TBX15: variants seen among roughly 807,000 people sequenced by gnomAD.
The protein encoded by TBX15 is T-box transcription factor TBX15.
A neutral mutation model predicts 53.9 loss-of-function variants in TBX15; 18 were observed. The ratio of observed to expected loss-of-function variants is 0.33; its 90% CI spans 0.23 to 0.49. The LOEUF (loss-of-function observed/expected upper bound fraction) is 0.49. Among genes scored for constraint, TBX15 ranks in the 20% least tolerant of loss-of-function variants. The pLI is 0.98. For synonymous variants in TBX15, 295 were observed against 278.0 expected (o/e 1.06, Z -0.61); for missense variants, 692 against 749.5 (o/e 0.92, Z 0.90).
At chr1:118,939,262 C>A (rs182647281) in intron 1 of TBX15, among the ~76,000 whole-genome samples, 3 of 151,572 alleles carry the variant, frequency 2.0e-5, no homozygotes, top group Non-Finnish European at 4.4e-5. Flanking sequence ...CAAAAATTAG[C>A]CAGGCATGAT....
intron 1 of TBX15, among the ~76,000 whole-genome samples, chr1:118,984,026 C>T (rs73011327): frequency 0.012 from 1,829 of 152,342 alleles, 39 homozygotes; most frequent in African/African-American, 0.042. Flanking sequence ...TTATTTTGAG[C>T]AAACAAACCA....
chr1:118,957,410 G>T (rs2101670047), intron 1 of TBX15, among the ~76,000 whole-genome samples: 1 of 152,196 alleles, frequency 6.6e-6, no homozygotes, highest in East Asian at 1.9e-4. Flanking sequence ...GGCCTGGAGT[G>T]AAAAATTTGA....
chr1:118,901,245 C>T (rs1654620353), intron 6 of TBX15: 1 of 404,076 alleles, frequency 2.5e-6, no homozygotes, highest in East Asian at 7.4e-5. Context: ...TGGTAGGGGC[C>T]TTTGTGCTGA....
intron 6 of TBX15, among the ~76,000 whole-genome samples, chr1:118,902,188 G>T (rs778047949): frequency 6.6e-6 from 1 of 151,914 alleles, no homozygotes; most frequent in African/African-American, 2.4e-5. Context: ...AGTGTGTATT[G>T]CTTTTTAGAA....
intron 1 of TBX15, among the ~76,000 whole-genome samples, chr1:118,970,995 T>G (rs1268175623): frequency 6.6e-6 from 1 of 152,206 alleles, no homozygotes; most frequent in Non-Finnish European, 1.5e-5. Flanking sequence ...ACTTAGAAAC[T>G]TTTTTGCACT....
At chr1:118,902,826 A>G (rs961435388) in intron 6 of TBX15, among the ~76,000 whole-genome samples, 3 of 152,084 alleles carry the variant, frequency 2.0e-5, no homozygotes, top group African/African-American at 7.2e-5. Context: ...TTGGATGTCT[A>G]GTCAAAATTT....
intron 1 of TBX15, among the ~76,000 whole-genome samples, chr1:118,934,329 T>G (rs2101620079): frequency 6.6e-6 from 1 of 152,196 alleles, no homozygotes; most frequent in South Asian, 2.1e-4. Flanking sequence ...ACAAGACAAG[T>G]TAAATAAGGG....
At chr1:118,944,218 C>G (rs2765544) in intron 1 of TBX15, among the ~76,000 whole-genome samples, 12,338 of 152,186 alleles carry the variant, frequency 0.081, 563 homozygotes, top group African/African-American at 0.12. Context: ...TAAAGCTCTT[C>G]CCAAAAGGGA....
At chr1:118,980,935 C>T (rs1171081250) in intron 1 of TBX15, among the ~76,000 whole-genome samples, 1 of 151,988 alleles carries the variant, frequency 6.6e-6, no homozygotes, top group Non-Finnish European at 1.5e-5. Flanking sequence ...CTGGTTCAAG[C>T]GATTCTCCTG....
intron 6 of TBX15, among the ~76,000 whole-genome samples, chr1:118,912,522 C>A (rs1217556102): frequency 6.6e-6 from 1 of 152,132 alleles, no homozygotes; most frequent in Non-Finnish European, 1.5e-5. Flanking sequence ...CAAAGAATCA[C>A]CACCAAGACA....
intron 1 of TBX15, among the ~76,000 whole-genome samples, chr1:118,964,127 T>G (rs774932998): frequency 2.6e-5 from 4 of 152,086 alleles, no homozygotes; most frequent in Non-Finnish European, 2.9e-5. Context: ...CCACTAAGGG[T>G]TTTAAGGCAC....
rs867929526 is a variant in TBX15, at chr1:118,899,109, T to C, written c.943A>G (p.Ile315Val). 7 of 1,613,586 alleles carry C rather than the reference T, an allele frequency of 4.3e-6. No homozygotes were observed. The Middle Eastern group carries it at 1.2e-3, about 266-fold the overall frequency. ...CTCCAGAATGCATATGTCTCCATGA[T>C]GGCTTCAAGTCCAGTTCTGACAAGA... ...SGRNRTGLEA[I>V]METYAFWRPP... Residue 315 changes from isoleucine (I) to valine (V), a missense_variant, in exon 7 of 8, where the codon ATC (isoleucine) becomes GTC (valine). By Grantham distance (29) the Ile-to-Val change is conservative. Around this residue, in one of 3 missense-constraint regions of TBX15, gnomAD observed 375 missense variants for 371.6 expected, o/e 1.01. Coordinates refer to ENST00000369429, the MANE Select transcript of TBX15 (RefSeq NM_001330677.2).
chr1:118,918,761 C>A (rs116135685), intron 5 of TBX15, among the ~76,000 whole-genome samples: 2,162 of 152,164 alleles, frequency 0.014, 46 homozygotes, highest in African/African-American at 0.05. Flanking sequence ...AACATGGAGG[C>A]AGTTAATAAA....
chr1:118,942,980 C>A (rs190727236), intron 1 of TBX15, among the ~76,000 whole-genome samples: 14 of 152,036 alleles, frequency 9.2e-5, no homozygotes, highest in Non-Finnish European at 5.9e-5. Flanking sequence ...TTTCCAGAGT[C>A]GCTAAGAAGT....
intron 6 of TBX15, 47 bp downstream of exon 6, chr1:118,914,068 A>T (rs777457952): frequency 8.2e-6 from 13 of 1,594,030 alleles, no homozygotes. Flanking sequence ...ATGTGAGGGA[A>T]GTAATGTCAC....
At chr1:118,902,069 G>T (rs1654649029) in intron 6 of TBX15, among the ~76,000 whole-genome samples, 1 of 151,730 alleles carries the variant, frequency 6.6e-6, no homozygotes, top group Non-Finnish European at 1.5e-5. Flanking sequence ...ATCCTACATA[G>T]CATATATATA....
chr1:118,918,293 T>G (rs544028063), intron 5 of TBX15, among the ~76,000 whole-genome samples: 1 of 152,172 alleles, frequency 6.6e-6, no homozygotes, highest in South Asian at 2.1e-4. Flanking sequence ...GTCTATTTTA[T>G]ATACCATTTA....
chr1:118,980,627 TAAGA>T (rs1657615463), intron 1 of TBX15, among the ~76,000 whole-genome samples: 1 of 150,968 alleles, frequency 6.6e-6, no homozygotes, highest in African/African-American at 2.4e-5. Flanking sequence ...TTTTTATTAT[TAAGA>T]TTTATCTTAG....
At chr1:118,910,135 G>T (rs1766787) in intron 6 of TBX15, among the ~76,000 whole-genome samples, 134,145 of 152,110 alleles carry the variant, frequency 0.88, 59,282 homozygotes, top group African/African-American at 0.9. Flanking sequence ...TGTACTAGGA[G>T]GGATTGAGAT....
Sources: gnomAD v4.1 joint callset for allele counts (sites outside exome capture counted in the v4.1 genomes callset) on GRCh38, gnomAD v4.1.1 for gene constraint, gnomAD v4.1.1 regional missense constraint, MANE v1.5 for transcripts, NCBI Gene and HGNC (gene_info 2026-07-23, HGNC 2026-07-21) for gene names.